The following ZNF469 variants were observed in gnomAD, a reference collection of about 807,000 sequenced individuals.
ZNF469 encodes zinc finger protein 469.
In ZNF469, 1 loss-of-function variant was observed where a neutral mutation model predicts 1.0. That is an observed-to-expected ratio of 1.00 (90% CI 0.35 to 4.73). ZNF469 has a LOEUF of 4.73. ZNF469 is among the 30% of genes most tolerant of loss of function. The probability of loss-of-function intolerance (pLI) is 0.16; values close to 1 mark genes in which losing one functional copy is unlikely to be tolerated. For missense variants in ZNF469, 6,100 were observed against 5,356.3 expected, an observed-to-expected ratio of 1.14 and a Z score of -4.33; for synonymous variants, 2,703 against 2,363.4, an observed-to-expected ratio of 1.14 and a Z score of -4.17.
At chr16:88,131,557 C>T in the ZNF469 span, among the ~76,000 whole-genome samples, 1 of 152,232 alleles carries the variant, frequency 6.6e-6, no homozygotes. Flanking sequence ...CCGGGTCTCT[C>T]ATAGTCAGGC....
chr16:88,415,905 A>C (rs1319467290), intron 1 of ZNF469, among the ~76,000 whole-genome samples: 1 of 152,214 alleles, frequency 6.6e-6, no homozygotes, highest in Admixed American at 6.5e-5. Flanking sequence ...GGCGGCAGGC[A>C]CGCAGCCCGG....
chr16:88,329,080 C>T, the ZNF469 span, among the ~76,000 whole-genome samples: 20 of 152,152 alleles, frequency 1.3e-4, no homozygotes, highest in South Asian at 4.1e-4. Flanking sequence ...TTCCTGTATC[C>T]GACCCATGAT....
chr16:88,142,909 G>T, the ZNF469 span, among the ~76,000 whole-genome samples: 1 of 152,332 alleles, frequency 6.6e-6, no homozygotes, highest in South Asian at 2.1e-4. Context: ...ACGCACAGGG[G>T]CCTGAGAGCA....
the ZNF469 span, among the ~76,000 whole-genome samples, chr16:88,148,102 GT>G: frequency 2.0e-5 from 3 of 152,080 alleles, no homozygotes; most frequent in Non-Finnish European, 4.4e-5. Context: ...TTCCTTCGTC[GT>G]TGTGTGTACG....
chr16:88,293,120 G>A, the ZNF469 span, among the ~76,000 whole-genome samples: 1 of 151,920 alleles, frequency 6.6e-6, no homozygotes, highest in Non-Finnish European at 1.5e-5. Flanking sequence ...ATGGGTGCAC[G>A]AATAGATGCA....
Position 88,432,382 on chromosome 16 carries a change from G to C in ZNF469, c.4912G>C (p.Glu1638Gln), listed in dbSNP as rs920584460. The change falls in exon 3 of 3, where the codon GAG becomes CAG. Residue 1638 changes from glutamate (E) to glutamine (Q), a missense_variant. Glu to Gln is a conservative substitution (Grantham distance 29). Transcript: ENST00000565624. The part of the protein sequence containing the change: ...TRVGESTAHR[E>Q]GAESAVATVE... Reference sequence around the variant, plus strand: ...CGTTGGAGAATCCACTGCACATCGGGAGGGTGCGGAATCGGCTGTGGCCAC... The same window carrying C: ...CGTTGGAGAATCCACTGCACATCGGCAGGGTGCGGAATCGGCTGTGGCCAC... 4.5e-6 allele frequency: 7 copies of C among 1,549,200 alleles called. No individual in the cohort carries two copies. Among genetic ancestry groups the C allele is most frequent in the Admixed American group, 3.9e-5 (2 of 50,982 alleles).
At chr16:88,114,697 C>T in the ZNF469 span, among the ~76,000 whole-genome samples, 10 of 152,194 alleles carry the variant, frequency 6.6e-5, no homozygotes, top group South Asian at 2.1e-4. Flanking sequence ...CTGGTGAAGG[C>T]GGGCCTGGCC....
Position 88,428,232 on chromosome 16 carries a change from G to GCCGGAA in ZNF469, c.765_770dup (p.Glu256_Pro257dup), listed in dbSNP as rs1905840452. On this transcript the variant is annotated inframe_insertion, in exon 3 of 3. Coordinates refer to ENST00000565624, the MANE Select transcript of ZNF469 (RefSeq NM_001367624.2). ...CTAATTTCGGGGTTCCCCCCGCCGA[G>GCCGGAA]CCGGAACCTATTCCCAAAGGCAGCA... The GCCGGAA allele has an allele frequency of 6.5e-6, 10 of 1,550,210 alleles. No homozygotes were observed. The highest frequency in any genetic ancestry group is 8.7e-6 in the Non-Finnish European group (10 of 1,146,948).
chr16:88,189,794 C>T, the ZNF469 span, among the ~76,000 whole-genome samples: 1 of 152,142 alleles, frequency 6.6e-6, no homozygotes, highest in African/African-American at 2.4e-5. This position sits in a 1 kb window ranked among gnomAD's most constrained non-coding sequence, Gnocchi z 4.3. Context: ...TGGCAGGCAC[C>T]TGTAATCCCA....
the ZNF469 span, among the ~76,000 whole-genome samples, chr16:88,361,216 A>G: frequency 6.6e-6 from 1 of 152,182 alleles, no homozygotes; most frequent in African/African-American, 2.4e-5. Flanking sequence ...CTGATCTGAC[A>G]GGAAGTGGAG....
chr16:88,383,504 C>G (rs2092530624), intron 1 of ZNF469, among the ~76,000 whole-genome samples: 1 of 149,408 alleles, frequency 6.7e-6, no homozygotes, highest in Non-Finnish European at 1.5e-5. Flanking sequence ...GGGCCGCAGC[C>G]TTGCCCGGAG....
the ZNF469 span, among the ~76,000 whole-genome samples, chr16:88,162,533 A>G: frequency 1.3e-5 from 2 of 152,246 alleles, no homozygotes; most frequent in Non-Finnish European, 2.9e-5. Flanking sequence ...ATACAGATCT[A>G]TTGAAATAAT....
chr16:88,153,984 A>G, the ZNF469 span, among the ~76,000 whole-genome samples: 2 of 142,720 alleles, frequency 1.4e-5, no homozygotes, highest in Non-Finnish European at 3.0e-5. Context: ...ACACAGCCAC[A>G]CTGGGGCCTA....
chr16:88,162,552 G>A, the ZNF469 span, among the ~76,000 whole-genome samples: 3 of 152,010 alleles, frequency 2.0e-5, no homozygotes, highest in Non-Finnish European at 2.9e-5. Context: ...ATTTATTTTT[G>A]ATAATAGATT....
chr16:88,158,032 C>T, the ZNF469 span, among the ~76,000 whole-genome samples: 1 of 152,090 alleles, frequency 6.6e-6, no homozygotes, highest in Non-Finnish European at 1.5e-5. Flanking sequence ...TGGTCAGGTC[C>T]TGCTGCGGGG....
the ZNF469 span, among the ~76,000 whole-genome samples, chr16:88,351,155 G>T: frequency 6.6e-6 from 1 of 152,210 alleles, no homozygotes; most frequent in African/African-American, 2.4e-5. Context: ...ATAGGTGACA[G>T]GCAGTGTGGC....
chr16:88,107,949 C>G, the ZNF469 span, among the ~76,000 whole-genome samples: 1 of 152,248 alleles, frequency 6.6e-6, no homozygotes, highest in African/African-American at 2.4e-5. Flanking sequence ...CTGAGGTGCC[C>G]TCCCATGCCC....
chr16:88,169,275 C>CA, the ZNF469 span, among the ~76,000 whole-genome samples: 1 of 152,312 alleles, frequency 6.6e-6, no homozygotes, highest in African/African-American at 2.4e-5. The surrounding 1 kb of genome is among the most constrained non-coding windows in gnomAD (Gnocchi z 6.1). Context: ...TCCACACTTT[C>CA]AATTGCTGCT....
chr16:88,391,935 C>A (rs1189056865), intron 1 of ZNF469, among the ~76,000 whole-genome samples: 2 of 152,128 alleles, frequency 1.3e-5, no homozygotes, highest in East Asian at 3.8e-4. Flanking sequence ...ATAATGTAAT[C>A]TAAAGATATG....
Sources: allele counts gnomAD v4.1 joint callset (sites outside exome capture counted in the v4.1 genomes callset), GRCh38; gene constraint gnomAD v4.1.1; non-coding constraint Gnocchi (gnomAD v3.1); transcripts MANE v1.5; gene names NCBI Gene and HGNC (gene_info 2026-07-23, HGNC 2026-07-21).